CACNA2D3: variants seen among roughly 807,000 people sequenced by gnomAD.
CACNA2D3 encodes the protein calcium voltage-gated channel auxiliary subunit alpha2delta 3.
CACNA2D3 carries 60 observed loss-of-function variants against 160.6 expected under a neutral mutation model. The observed-to-expected ratio is 0.37, with a 90% confidence interval of 0.30 to 0.46. The LOEUF (loss-of-function observed/expected upper bound fraction) is 0.46. CACNA2D3 is among the 20% of genes least tolerant of loss of function. The pLI, the probability that CACNA2D3 is intolerant of heterozygous loss-of-function variation, is 1.00. For missense variants in CACNA2D3, 1,205 were observed against 1,365.0 expected (o/e 0.88, Z 1.85); for synonymous variants, 558 against 492.9 (o/e 1.13, Z -1.75).
At chr3:54,763,815 A>ACG (rs1559573824) in intron 12 of CACNA2D3, among the ~76,000 whole-genome samples, 138 of 7,544 alleles carry the variant, frequency 0.018, 22 homozygotes, top group South Asian at 0.048. Context: ...ATATATACAT[A>ACG]TATATATACG....
intron 2 of CACNA2D3, among the ~76,000 whole-genome samples, chr3:54,288,353 C>T (rs1223054311): frequency 6.6e-6 from 1 of 152,178 alleles, no homozygotes; most frequent in Non-Finnish European, 1.5e-5. Context: ...GACACATACA[C>T]CCTCCCAAGA....
intron 5 of CACNA2D3, among the ~76,000 whole-genome samples, chr3:54,529,570 T>C (rs1701775716): frequency 2.0e-5 from 3 of 152,188 alleles, no homozygotes; most frequent in Admixed American, 2.0e-4. Flanking sequence ...GTGGGAATGA[T>C]GTTCCTCCCA....
chr3:54,581,761 T>C, intron 8 of CACNA2D3, 42 bp from the exon 9 acceptor site: 1 of 1,512,264 alleles, frequency 6.6e-7, no homozygotes, highest in Non-Finnish European at 9.2e-7. Flanking sequence ...TACCCTTCAA[T>C]TCCTTAATTA....
At chr3:54,767,473 CAG>C (rs1244053724) in intron 13 of CACNA2D3, among the ~76,000 whole-genome samples, 1 of 152,072 alleles carries the variant, frequency 6.6e-6, no homozygotes, top group Admixed American at 6.6e-5. Context: ...ATGCTGAAGA[CAG>C]GGGATCTGCC....
intron 27 of CACNA2D3, among the ~76,000 whole-genome samples, chr3:54,931,871 A>C (rs550265291): frequency 6.6e-6 from 1 of 152,306 alleles, no homozygotes; most frequent in South Asian, 2.1e-4. Flanking sequence ...TCTCCCAGGC[A>C]ATATTACACA....
intron 16 of CACNA2D3, among the ~76,000 whole-genome samples, chr3:54,838,942 A>G (rs1307572209): frequency 6.6e-6 from 1 of 152,236 alleles, no homozygotes; most frequent in African/African-American, 2.4e-5. Context: ...CAGGATATCA[A>G]CATGACTGGT....
rs184304679 is a variant in CACNA2D3, at chr3:54,406,446, C to G, written c.381+19672C>G. Among the ~76,000 whole-genome samples the G allele has an allele frequency of 1.4e-3, 218 of 151,878 alleles. 2 individuals are homozygous for G. The highest frequency in any genetic ancestry group is 5.0e-3 in the African/African-American group (207 of 41,424). ...ACACACACATTGTACAATGTGTGTA[C>G]ACATATATACAATGGAATATTATTC... On this transcript the variant is annotated intron_variant, in intron 4 of 37. Transcript: ENST00000474759.
intron 13 of CACNA2D3, among the ~76,000 whole-genome samples, chr3:54,777,682 A>G (rs919948008): frequency 5.3e-5 from 8 of 152,154 alleles, no homozygotes; most frequent in African/African-American, 9.7e-5. Flanking sequence ...TACTCATCCT[A>G]TAGTCTGTTT....
chr3:54,438,347 A>G (rs908191335), intron 4 of CACNA2D3, among the ~76,000 whole-genome samples: 1 of 152,218 alleles, frequency 6.6e-6, no homozygotes, highest in Non-Finnish European at 1.5e-5. Flanking sequence ...TTTGTGTTTC[A>G]TGATATGCCT....
chr3:54,754,730 C>T (rs576430276), intron 12 of CACNA2D3, among the ~76,000 whole-genome samples: 43 of 152,284 alleles, frequency 2.8e-4, no homozygotes, highest in African/African-American at 9.4e-4. Flanking sequence ...TCTCCTAAGC[C>T]ATCCTTCATA....
At chr3:54,224,782 A>G (rs1577010208) in intron 2 of CACNA2D3, among the ~76,000 whole-genome samples, 1 of 152,160 alleles carries the variant, frequency 6.6e-6, no homozygotes, top group South Asian at 2.1e-4. Context: ...AGATTCACAT[A>G]CACATTTACC....
chr3:55,011,728 A>G (rs945486962), intron 34 of CACNA2D3, among the ~76,000 whole-genome samples: 1 of 152,142 alleles, frequency 6.6e-6, no homozygotes, highest in Non-Finnish European at 1.5e-5. Context: ...ACACCAACAT[A>G]TGAGTTAGGA....
intron 23 of CACNA2D3, 29 bp from the exon 24 acceptor site, chr3:54,887,930 A>G: frequency 6.3e-7 from 1 of 1,582,306 alleles, no homozygotes; most frequent in Non-Finnish European, 8.7e-7. Flanking sequence ...GCCCTGCTGA[A>G]GCATCCTCTT....
rs78830458 is a variant in CACNA2D3, at chr3:54,530,445, G to C, written c.544+26791G>C. 8.6e-3 allele frequency among the ~76,000 whole-genome samples: 1,306 copies of C among 152,330 alleles called. 23 individuals carry two copies. Among genetic ancestry groups the C allele is most frequent in the African/African-American group, 0.03 (1,246 of 41,572 alleles). On this transcript the variant is annotated intron_variant, in intron 5 of 37. Coordinates refer to ENST00000474759, the MANE Select transcript of CACNA2D3 (RefSeq NM_018398.3). Reference sequence around the variant, plus strand: ...TGTGTTTTTCCCACTCCGAAGGGCAGTGAGCACATTTGTGTATAGAGCTAA... The same window carrying C: ...TGTGTTTTTCCCACTCCGAAGGGCACTGAGCACATTTGTGTATAGAGCTAA...
At chr3:54,474,442 A>C (rs1235081974) in intron 4 of CACNA2D3, among the ~76,000 whole-genome samples, 1 of 152,098 alleles carries the variant, frequency 6.6e-6, no homozygotes, top group Admixed American at 6.6e-5. Flanking sequence ...AGAAATACCT[A>C]ATGTAGATGA....
chr3:54,290,963 C>A (rs561251146), intron 2 of CACNA2D3, among the ~76,000 whole-genome samples: 1 of 152,014 alleles, frequency 6.6e-6, no homozygotes, highest in African/African-American at 2.4e-5. Flanking sequence ...TGCTAAATGA[C>A]GAGTTAATGG....
At chr3:54,476,385 CTT>C (rs1360039197) in intron 4 of CACNA2D3, among the ~76,000 whole-genome samples, 1 of 151,820 alleles carries the variant, frequency 6.6e-6, no homozygotes, top group South Asian at 2.1e-4. Flanking sequence ...GCAGCTGTCT[CTT>C]TGAGATAGTG....
In CACNA2D3 at chr3:54,562,912, C is replaced by G. The variant is rs763389559; in HGVS notation, c.657C>G (p.Gly219=). The stretch of plus-strand genomic sequence containing the variant: ...GGCAGTACTTTGGAAGTGCAAAGGG[C>G]TTTTTTAGGCAGTATCCGGGTGAGT... ...LIWQYFGSAK[G]FFRQYPGIKW... is the part of the protein sequence containing the mutation. The change falls in exon 6 of 38, where the codon GGC becomes GGG. Residue 219 remains glycine (G), a synonymous_variant. Transcript: ENST00000474759. 2 of 1,613,542 alleles carry G rather than the reference C, an allele frequency of 1.2e-6. No homozygotes were observed. Among genetic ancestry groups the G allele is most frequent in the Admixed American group, 3.3e-5 (2 of 60,012 alleles).
intron 12 of CACNA2D3, among the ~76,000 whole-genome samples, chr3:54,756,535 ATT>A (rs1701974604): frequency 6.6e-6 from 1 of 152,074 alleles, no homozygotes; most frequent in Non-Finnish European, 1.5e-5. Flanking sequence ...CCCCTTACAT[ATT>A]TTCACCCTGA....
Sources: allele counts gnomAD v4.1 joint callset (sites outside exome capture counted in the v4.1 genomes callset), GRCh38; gene constraint gnomAD v4.1.1; transcripts MANE v1.5; gene names NCBI Gene and HGNC (gene_info 2026-07-23, HGNC 2026-07-21).